Variants in NHS observed in about 807,000 individuals in gnomAD.
NHS encodes the protein actin remodeling regulator NHS.
In NHS, 5 loss-of-function variants were observed where a neutral mutation model predicts 72.5. The ratio of observed to expected loss-of-function variants is 0.07; its 90% CI spans 0.04 to 0.14. NHS has a LOEUF of 0.14. NHS is among the 10% of genes least tolerant of loss of function. NHS has a pLI of 1.00. For missense variants in NHS, 1,072 were observed against 1,355.7 expected (o/e 0.79, Z 3.29); for synonymous variants, 464 against 547.7 (o/e 0.85, Z 2.13).
At chrX:17,548,670 C>A (rs2065307078) in intron 1 of NHS, among the ~76,000 whole-genome samples, 1 of 112,083 alleles carries the variant, frequency 8.9e-6, no homozygotes, top group Non-Finnish European at 1.9e-5. Context: ...GTACACACAT[C>A]TTCATGTGTA....
In NHS at chrX:17,450,674, G is replaced by A. The variant is rs748806528; in HGVS notation, c.565+74352G>A. ...GTGGATCACCTGAGGTCAGGAGTTC[G>A]AGACGAGCCTGGCCAACATGGCAAA... On this transcript the variant is annotated intron_variant, in intron 1 of 8. Coordinates refer to ENST00000676302, the MANE Select transcript of NHS (RefSeq NM_001291867.2). Among the ~76,000 whole-genome samples, 3 of 112,240 alleles carry A rather than the reference G, an allele frequency of 2.7e-5. No individual in the cohort carries two copies. In the East Asian group the frequency reaches 8.4e-4, roughly 31 times the overall value.
At chrX:17,595,712 T>C (rs965345227) in intron 1 of NHS, among the ~76,000 whole-genome samples, 3 of 112,425 alleles carry the variant, frequency 2.7e-5, no homozygotes, top group African/African-American at 9.7e-5. Flanking sequence ...GGATGTGGGC[T>C]TTTTTCTTGC....
intron 1 of NHS, among the ~76,000 whole-genome samples, chrX:17,520,534 G>C (rs1194453094): frequency 2.7e-5 from 3 of 111,893 alleles, no homozygotes; most frequent in Non-Finnish European, 5.6e-5. Flanking sequence ...CATCCAGCTG[G>C]GTTAACATGC....
At chrX:17,656,696 T>C (rs1228206299) in intron 1 of NHS, among the ~76,000 whole-genome samples, 1 of 112,516 alleles carries the variant, frequency 8.9e-6, no homozygotes, top group East Asian at 2.8e-4. Context: ...CTCCCTACCC[T>C]GATCCCGGGT....
intron 3 of NHS, among the ~76,000 whole-genome samples, chrX:17,718,463 G>GAAGGAGAGAAGGAAGA (rs2066378961): frequency 3.2e-5 from 3 of 94,099 alleles, no homozygotes; most frequent in Non-Finnish European, 6.3e-5. Flanking sequence ...AGAAAGGAAA[G>GAAGGAGAGAAGGAAGA]AAGGAGAGAA....
At chrX:17,579,374 A>G (rs1178710479) in intron 1 of NHS, among the ~76,000 whole-genome samples, 3 of 110,572 alleles carry the variant, frequency 2.7e-5, no homozygotes, top group Non-Finnish European at 5.7e-5. Flanking sequence ...TTCTGTAGGC[A>G]TTTTTTCCTG....
At chrX:17,531,700 C>T (rs1446131629) in intron 1 of NHS, among the ~76,000 whole-genome samples, 1 of 112,591 alleles carries the variant, frequency 8.9e-6, no homozygotes, top group Non-Finnish European at 1.9e-5. Context: ...GCTGCCCTCC[C>T]TTGGCTTTGT....
intron 1 of NHS, among the ~76,000 whole-genome samples, chrX:17,421,826 C>T (rs928575003): frequency 6.2e-5 from 7 of 112,131 alleles, no homozygotes; most frequent in African/African-American, 1.9e-4. Flanking sequence ...ATCCGCCCAC[C>T]TCAGCTTCCC....
intron 1 of NHS, among the ~76,000 whole-genome samples, chrX:17,540,560 A>G (rs753066447): frequency 1.8e-5 from 2 of 112,304 alleles, no homozygotes; most frequent in South Asian, 7.5e-4. Context: ...AGATCAGGCC[A>G]AAACTACTAG....
intron 1 of NHS, among the ~76,000 whole-genome samples, chrX:17,466,011 C>T (rs1458035321): frequency 8.8e-6 from 1 of 113,022 alleles, no homozygotes; most frequent in Non-Finnish European, 1.9e-5. Context: ...GTAAGCATGC[C>T]CTGCAAAATG....
chrX:17,619,592 T>G (rs1163276470), intron 1 of NHS, among the ~76,000 whole-genome samples: 1 of 112,052 alleles, frequency 8.9e-6, no homozygotes, highest in Non-Finnish European at 1.9e-5. Flanking sequence ...CATGTCCAAT[T>G]AAGCCACATG....
intron 1 of NHS, among the ~76,000 whole-genome samples, chrX:17,571,774 G>A (rs1242966128): frequency 9.0e-6 from 1 of 111,667 alleles, no homozygotes; most frequent in East Asian, 2.8e-4. Flanking sequence ...GTTGATTTTA[G>A]ATCATTCCTG....
chrX:17,462,770 C>T (rs1601717187), intron 1 of NHS, among the ~76,000 whole-genome samples: 1 of 111,717 alleles, frequency 9.0e-6, no homozygotes. Context: ...ACTGTCTTAT[C>T]TAATTCACGG....
intron 3 of NHS, among the ~76,000 whole-genome samples, chrX:17,699,764 C>T (rs929628440): frequency 9.0e-6 from 1 of 111,687 alleles, no homozygotes; most frequent in African/African-American, 3.3e-5. Flanking sequence ...GGGACCTAAA[C>T]CTAAAAAATG....
At chrX:17,728,579 C>G in intron 7 of NHS, 70 bp from the exon 8 acceptor site, 1 of 1,131,193 alleles carries the variant, frequency 8.8e-7, no homozygotes, top group Non-Finnish European at 1.2e-6. Flanking sequence ...TTGTTTGTTC[C>G]CTGAGTCAGT....
At chrX:17,605,420 G>A (rs941732066) in intron 1 of NHS, among the ~76,000 whole-genome samples, 16 of 111,526 alleles carry the variant, frequency 1.4e-4, no homozygotes, top group African/African-American at 4.9e-4. Context: ...TAGGTAAAGC[G>A]CTGGTCCAAA....
At chrX:17,590,784 A>T (rs999838731) in intron 1 of NHS, among the ~76,000 whole-genome samples, 1 of 111,362 alleles carries the variant, frequency 9.0e-6, no homozygotes, top group African/African-American at 3.3e-5. Context: ...ATACAAATGG[A>T]CTCCAACTAT....
At chrX:17,658,179 AT>A (rs2065966168) in intron 1 of NHS, among the ~76,000 whole-genome samples, 1 of 112,364 alleles carries the variant, frequency 8.9e-6, no homozygotes, top group Non-Finnish European at 1.9e-5. Context: ...AAAAGCCTTC[AT>A]TTCTTCCCTG....
intron 1 of NHS, among the ~76,000 whole-genome samples, chrX:17,465,817 C>G (rs761655791): frequency 1.8e-5 from 2 of 112,328 alleles, no homozygotes; most frequent in Non-Finnish European, 3.8e-5. Flanking sequence ...TCTAACATGC[C>G]AAAGCTGTTT....
Sources: gnomAD v4.1 joint callset for allele counts (sites outside exome capture counted in the v4.1 genomes callset) on GRCh38, gnomAD v4.1.1 for gene constraint, MANE v1.5 for transcripts, NCBI Gene and HGNC (gene_info 2026-07-23, HGNC 2026-07-21) for gene names.